The following ITPR1 variants were observed in gnomAD, a reference collection of about 807,000 sequenced individuals.
ITPR1 encodes the protein inositol 1,4,5-trisphosphate receptor type 1, also known as inositol 1,4,5-trisphosphate-gated calcium channel ITPR1.
ITPR1 carries 96 observed loss-of-function variants against 318.4 expected under a neutral mutation model. The ratio of observed to expected loss-of-function variants is 0.30; its 90% confidence interval spans 0.26 to 0.36. The LOEUF (loss-of-function observed/expected upper bound fraction) is 0.36. Among genes scored for constraint, ITPR1 ranks in the 10% least tolerant of loss-of-function variants. ITPR1 has a pLI of 1.00. For missense variants in ITPR1, 2,440 were observed against 3,460.2 expected (o/e 0.71, Z 7.40); for synonymous variants, 1,312 against 1,289.9 (o/e 1.02, Z -0.37).
rs186696705 is a variant in ITPR1, at chr3:4,808,418, G to A, written c.7272+2151G>A. Among the ~76,000 whole-genome samples the A allele has an allele frequency of 2.2e-3, 335 of 152,290 alleles. 2 individuals are homozygous for A. The highest frequency in any genetic ancestry group is 0.019 in the South Asian group (92 of 4,822). ...TGCATCAGTGAAACTGGCATTTCAC[G>A]TTCCAGTTTGCATCTGTGCTTTCAA... On this transcript the variant is annotated intron_variant, in intron 55 of 61. Coordinates refer to ENST00000649015, the MANE Select transcript of ITPR1 (RefSeq NM_001378452.1).
At chr3:4,575,909 A>G (rs2088594968) in intron 4 of ITPR1, among the ~76,000 whole-genome samples, 2 of 151,922 alleles carry the variant, frequency 1.3e-5, no homozygotes, top group South Asian at 2.1e-4. Flanking sequence ...AGTCCCAGCT[A>G]CTTGGGTAGT....
At position 4,559,068 on chromosome 3, in the gene ITPR1, G is replaced by T. The variant is rs189050156; in HGVS notation, c.163+37974G>T. Among the ~76,000 whole-genome samples, 8 of 151,972 alleles carry T rather than the reference G, an allele frequency of 5.3e-5. No individual in the cohort carries two copies. In the East Asian group the frequency reaches 1.5e-3, roughly 29 times the overall value. Reference sequence around the variant, plus strand: ...AGATGGGGTCTTGCTATGTTGCCTAGGCTGGTCTCAAACTCCTGGGTGCAA... The same window carrying T: ...AGATGGGGTCTTGCTATGTTGCCTATGCTGGTCTCAAACTCCTGGGTGCAA... On this transcript the variant is annotated intron_variant, in intron 4 of 61. Coordinates refer to ENST00000649015, the MANE Select transcript of ITPR1 (RefSeq NM_001378452.1).
chr3:4,495,073 G>T (rs976607201), intron 2 of ITPR1, among the ~76,000 whole-genome samples: 3 of 152,178 alleles, frequency 2.0e-5, no homozygotes, highest in Non-Finnish European at 4.4e-5. Context: ...AATCTGGCAG[G>T]TCCCTGTTGT....
intron 44 of ITPR1, among the ~76,000 whole-genome samples, chr3:4,763,896 G>A (rs1174450885): frequency 6.6e-6 from 1 of 152,192 alleles, no homozygotes; most frequent in African/African-American, 2.4e-5. Context: ...ACAGATGGCG[G>A]GCTTTATTTA....
intron 4 of ITPR1, among the ~76,000 whole-genome samples, chr3:4,614,775 G>A (rs2092318468): frequency 1.3e-5 from 2 of 152,192 alleles, no homozygotes; most frequent in African/African-American, 4.8e-5. Flanking sequence ...ACATAGACAA[G>A]GCTGCTCACC....
At chr3:4,567,952 A>C (rs1559462691) in intron 4 of ITPR1, among the ~76,000 whole-genome samples, 1 of 151,284 alleles carries the variant, frequency 6.6e-6, no homozygotes, top group Non-Finnish European at 1.5e-5. Context: ...GACACTATCA[A>C]CACTCCCAGT....
At chr3:4,515,297 C>T (rs1281889393) in intron 2 of ITPR1, among the ~76,000 whole-genome samples, 1 of 152,100 alleles carries the variant, frequency 6.6e-6, no homozygotes, top group Non-Finnish European at 1.5e-5. Context: ...AAACTTGGCA[C>T]CCAGGAAGCA....
chr3:4,655,474 C>G (rs2093685376), intron 12 of ITPR1, among the ~76,000 whole-genome samples: 1 of 152,182 alleles, frequency 6.6e-6, no homozygotes, highest in Admixed American at 6.5e-5. Flanking sequence ...GTTACTTGCC[C>G]TCTCTGAGCC....
At chr3:4,614,157 C>T (rs746456412) in intron 4 of ITPR1, among the ~76,000 whole-genome samples, 11 of 152,162 alleles carry the variant, frequency 7.2e-5, no homozygotes, top group Non-Finnish European at 1.3e-4. Context: ...TCCCAGCTAC[C>T]TGGGAGGCTG....
chr3:4,701,158 G>A (rs536869166), intron 35 of ITPR1, among the ~76,000 whole-genome samples: 2 of 152,290 alleles, frequency 1.3e-5, no homozygotes, highest in Non-Finnish European at 2.9e-5. Context: ...TCAAATAGGA[G>A]CAGATCAGGT....
chr3:4,822,987 C>T (rs1025942981), intron 60 of ITPR1, among the ~76,000 whole-genome samples: 4 of 152,186 alleles, frequency 2.6e-5, no homozygotes, highest in African/African-American at 4.8e-5. Context: ...TTTTTATTAA[C>T]CTTGATCTAC....
At chr3:4,520,521 C>A (rs959748262) in intron 3 of ITPR1, among the ~76,000 whole-genome samples, 4 of 152,196 alleles carry the variant, frequency 2.6e-5, no homozygotes, top group African/African-American at 9.7e-5. Context: ...TGCAGCTTCT[C>A]AGATGACCTC....
chr3:4,786,116 C>T (rs931553127), intron 51 of ITPR1, among the ~76,000 whole-genome samples: 3 of 152,224 alleles, frequency 2.0e-5, no homozygotes, highest in Non-Finnish European at 4.4e-5. Flanking sequence ...CAGATGCACA[C>T]CTCAGATCAT....
At chr3:4,628,548 A>G (rs1175766797) in intron 5 of ITPR1, among the ~76,000 whole-genome samples, 1 of 152,196 alleles carries the variant, frequency 6.6e-6, no homozygotes, top group Non-Finnish European at 1.5e-5. Context: ...TGAGATGTTT[A>G]AAAGGAGACA....
intron 53 of ITPR1, chr3:4,799,737 T>C (rs2048104378): frequency 6.6e-6 from 1 of 152,202 alleles, no homozygotes; most frequent in South Asian, 2.1e-4. Context: ...TAAATAGAAC[T>C]TGCAGTAGCA....
chr3:4,526,666 G>A (rs990838501), intron 4 of ITPR1, among the ~76,000 whole-genome samples: 3 of 152,240 alleles, frequency 2.0e-5, no homozygotes, highest in Admixed American at 1.3e-4. Flanking sequence ...ACCCACCTAT[G>A]AGGTGTAGGT....
intron 32 of ITPR1, among the ~76,000 whole-genome samples, chr3:4,692,753 A>G (rs1425265167): frequency 8.5e-6 from 1 of 118,152 alleles, no homozygotes; most frequent in Admixed American, 8.1e-5. Flanking sequence ...TATCTTAATT[A>G]AAAGTAATTT....
chr3:4,611,991 C>T (rs2125101749), intron 4 of ITPR1, among the ~76,000 whole-genome samples: 1 of 151,992 alleles, frequency 6.6e-6, no homozygotes, highest in Admixed American at 6.5e-5. Flanking sequence ...TCAGAAACCA[C>T]CTCCCCCAAA....
chr3:4,546,443 C>G lies in ITPR1; in HGVS notation c.163+25349C>G, dbSNP rs373609999. Among the ~76,000 whole-genome samples the G allele has an allele frequency of 5.6e-4, 85 of 152,294 alleles. 1 individual carries two copies. The South Asian group carries it at 0.017, about 30-fold the overall frequency. On this transcript the variant is annotated intron_variant, in intron 4 of 61. Transcript: ENST00000649015. ...AACTTGCCCAAACTAAGAATTCTAG[C>G]CAGAGGTAGAGCCAAGACTTGGAGC...
Sources: gnomAD v4.1 joint callset for allele counts (sites outside exome capture counted in the v4.1 genomes callset) on GRCh38, gnomAD v4.1.1 for gene constraint, MANE v1.5 for transcripts, NCBI Gene and HGNC (gene_info 2026-07-23, HGNC 2026-07-21) for gene names.